Variants in THSD4 observed in about 807,000 individuals in gnomAD.
THSD4 encodes thrombospondin type-1 domain-containing protein 4.
Under a neutral mutation model 119.0 loss-of-function variants are expected in THSD4, and 69 were observed. The ratio of observed to expected loss-of-function variants is 0.58; its 90% CI spans 0.48 to 0.71. THSD4 has a LOEUF of 0.71. Ranked by LOEUF, THSD4 falls within the 30% of genes least tolerant of loss-of-function variation. THSD4 has a pLI of 0.00. For synonymous variants in THSD4, 524 were observed against 540.4 expected (o/e 0.97, Z 0.42); for missense variants, 1,393 against 1,391.1 (o/e 1.00, Z -0.02).
chr15:71,128,072 A>G (rs1405140483), intron 1 of THSD4, among the ~76,000 whole-genome samples: 1 of 152,222 alleles, frequency 6.6e-6, no homozygotes, highest in Admixed American at 6.5e-5. Flanking sequence ...TGGAAATTTT[A>G]GAATGGAAAA....
chr15:71,126,348 C>T (rs2040456422), intron 1 of THSD4, among the ~76,000 whole-genome samples: 1 of 152,162 alleles, frequency 6.6e-6, no homozygotes, highest in South Asian at 2.1e-4. Context: ...CCACCTCTAC[C>T]CAGAAGCAAT....
intron 6 of THSD4, among the ~76,000 whole-genome samples, chr15:71,340,970 T>TC (rs2140388537): frequency 6.6e-6 from 1 of 152,082 alleles, no homozygotes; most frequent in East Asian, 1.9e-4. Context: ...TCTACACTGG[T>TC]CCCTACAGTT....
At chr15:71,470,926 C>T (rs909831445) in intron 7 of THSD4, among the ~76,000 whole-genome samples, 32 of 152,214 alleles carry the variant, frequency 2.1e-4, no homozygotes, top group African/African-American at 6.5e-4. Flanking sequence ...TGAGCCACCG[C>T]GCCCGGCCTG....
intron 7 of THSD4, among the ~76,000 whole-genome samples, chr15:71,490,260 AC>A (rs2047894008): frequency 6.6e-6 from 1 of 151,280 alleles, no homozygotes; most frequent in African/African-American, 2.4e-5. Context: ...TCTCATCTCT[AC>A]TAAAAATACA....
chr15:71,257,977 T>C (rs2044339684), intron 6 of THSD4, among the ~76,000 whole-genome samples: 1 of 152,050 alleles, frequency 6.6e-6, no homozygotes, highest in African/African-American at 2.4e-5. Context: ...AATTTTGATT[T>C]GATTCTGTGG....
intron 6 of THSD4, among the ~76,000 whole-genome samples, chr15:71,350,868 G>A (rs2045735082): frequency 6.6e-6 from 1 of 152,198 alleles, no homozygotes; most frequent in African/African-American, 2.4e-5. Context: ...TTTGTATTAA[G>A]CTTGTTGGTA....
At chr15:71,662,647 C>T (rs1449959572) in intron 8 of THSD4, among the ~76,000 whole-genome samples, 1 of 151,852 alleles carries the variant, frequency 6.6e-6, no homozygotes, top group Admixed American at 6.6e-5. Context: ...CAAGCTGTGC[C>T]CCCTGAATAA....
At chr15:71,760,693 T>G (rs1023907383) in intron 15 of THSD4, among the ~76,000 whole-genome samples, 1 of 152,218 alleles carries the variant, frequency 6.6e-6, no homozygotes, top group South Asian at 2.1e-4. Context: ...ATTGATTGCA[T>G]TTATTGCAAT....
intron 6 of THSD4, among the ~76,000 whole-genome samples, chr15:71,293,201 T>C (rs2044817032): frequency 6.6e-6 from 1 of 152,210 alleles, no homozygotes; most frequent in East Asian, 1.9e-4. Context: ...GGTAGTTGGT[T>C]GATGAGCTTT....
intron 6 of THSD4, among the ~76,000 whole-genome samples, chr15:71,284,844 A>C (rs1596314219): frequency 6.6e-6 from 1 of 152,268 alleles, no homozygotes; most frequent in Non-Finnish European, 1.5e-5. Context: ...AAAACAATTC[A>C]ACAGTAAGTT....
At chr15:71,143,024 A>G (rs1034943389) in intron 2 of THSD4, among the ~76,000 whole-genome samples, 4 of 152,226 alleles carry the variant, frequency 2.6e-5, no homozygotes, top group African/African-American at 7.2e-5. Context: ...GAGCTTTAGT[A>G]TGTAGTTGCT....
chr15:71,192,993 G>A (rs1415049161), intron 3 of THSD4, among the ~76,000 whole-genome samples: 1 of 152,192 alleles, frequency 6.6e-6, no homozygotes, highest in Non-Finnish European at 1.5e-5. Flanking sequence ...GCACACCAGG[G>A]AGGTTTAGGA....
chr15:71,135,759 C>T (rs2040545257), intron 1 of THSD4, among the ~76,000 whole-genome samples: 1 of 152,122 alleles, frequency 6.6e-6, no homozygotes, highest in South Asian at 2.1e-4. Context: ...GGACACTCCG[C>T]ACATCTTGTC....
intron 7 of THSD4, among the ~76,000 whole-genome samples, chr15:71,524,182 C>T (rs961873385): frequency 2.0e-5 from 3 of 152,152 alleles, no homozygotes; most frequent in African/African-American, 7.2e-5. Context: ...AAACTGGAAT[C>T]GGACAGTCTG....
At chr15:71,575,933 C>G (rs2140906678) in intron 7 of THSD4, among the ~76,000 whole-genome samples, 1 of 152,328 alleles carries the variant, frequency 6.6e-6, no homozygotes. Flanking sequence ...GCCGTTTGCA[C>G]TGGCCCTGAG....
intron 7 of THSD4, among the ~76,000 whole-genome samples, chr15:71,458,455 A>G (rs1194979362): frequency 1.3e-5 from 2 of 152,030 alleles, no homozygotes; most frequent in Non-Finnish European, 2.9e-5. Context: ...TAATAAATGT[A>G]AAAAAACAAC....
chr15:71,349,407 A>G (rs1207356342), intron 6 of THSD4, among the ~76,000 whole-genome samples: 1 of 152,168 alleles, frequency 6.6e-6, no homozygotes, highest in Non-Finnish European at 1.5e-5. Context: ...AACAAAGATG[A>G]CACGAGCCTG....
intron 7 of THSD4, among the ~76,000 whole-genome samples, chr15:71,600,081 T>A (rs570118957): frequency 1.1e-4 from 16 of 152,376 alleles, no homozygotes; most frequent in Middle Eastern, 6.8e-3. Flanking sequence ...CCAAAGTGTT[T>A]CTTTTTTAAG....
intron 1 of THSD4, among the ~76,000 whole-genome samples, chr15:71,116,179 G>C (rs181786710): frequency 6.6e-6 from 1 of 152,290 alleles, no homozygotes; most frequent in East Asian, 1.9e-4. Flanking sequence ...TCCTGGCCTG[G>C]GGCCTCGGAT....
Sources: gnomAD v4.1 joint callset for allele counts (sites outside exome capture counted in the v4.1 genomes callset) on GRCh38, gnomAD v4.1.1 for gene constraint, MANE v1.5 for transcripts, NCBI Gene and HGNC (gene_info 2026-07-23, HGNC 2026-07-21) for gene names.